FER1L6: variants seen among roughly 807,000 people sequenced by gnomAD.
FER1L6 encodes the protein fer-1 like family member 6, also known as fer-1-like protein 6.
FER1L6 carries 177 observed loss-of-function variants against 219.2 expected under a neutral mutation model. The observed-to-expected ratio is 0.81, with a 90% CI of 0.71 to 0.91. The LOEUF is 0.91. Among genes scored for constraint, FER1L6 ranks in the 40% least tolerant of loss-of-function variants. FER1L6 has a pLI of 0.00. For missense variants in FER1L6, 2,153 were observed against 2,259.9 expected, an observed-to-expected ratio of 0.95 and a Z score of 0.96; for synonymous variants, 768 against 824.3, an observed-to-expected ratio of 0.93 and a Z score of 1.17.
intron 1 of FER1L6, among the ~76,000 whole-genome samples, chr8:123,888,555 G>C (rs754653162): frequency 2.0e-5 from 3 of 152,326 alleles, no homozygotes; most frequent in Non-Finnish European, 4.4e-5. Context: ...CTGGTCAGTA[G>C]GTTCCAGGTG....
intron 6 of FER1L6, among the ~76,000 whole-genome samples, chr8:123,971,714 C>A (rs187581474): frequency 1.1e-4 from 16 of 152,254 alleles, no homozygotes; most frequent in African/African-American, 3.8e-4. Flanking sequence ...AGTCAGTATG[C>A]CCAGAATATA....
At chr8:124,018,842 C>T (rs1818320399) in intron 16 of FER1L6, among the ~76,000 whole-genome samples, 1 of 152,222 alleles carries the variant, frequency 6.6e-6, no homozygotes, top group Non-Finnish European at 1.5e-5. Flanking sequence ...AACAAGAAGG[C>T]TAAGTTTCAA....
intron 1 of FER1L6, among the ~76,000 whole-genome samples, chr8:123,909,097 C>A (rs901688194): frequency 6.6e-6 from 1 of 152,148 alleles, no homozygotes; most frequent in East Asian, 1.9e-4. Flanking sequence ...TGGAGATCTT[C>A]ATAAACATTG....
At chr8:123,907,813 G>T (rs947902406) in intron 1 of FER1L6, among the ~76,000 whole-genome samples, 1 of 151,538 alleles carries the variant, frequency 6.6e-6, no homozygotes, top group African/African-American at 2.4e-5. Flanking sequence ...CAAACAATGG[G>T]CAGAGAAATA....
intron 13 of FER1L6, 46 bp from the exon 14 acceptor site, chr8:124,010,548 A>G (rs1563741466): frequency 6.2e-7 from 1 of 1,607,050 alleles, no homozygotes; most frequent in Non-Finnish European, 8.5e-7. Context: ...GGTTGCCTGG[A>G]AAACACTGAT....
chr8:124,055,375 G>GA (rs903775882), intron 22 of FER1L6, among the ~76,000 whole-genome samples: 44 of 148,370 alleles, frequency 3.0e-4, no homozygotes, highest in East Asian at 5.9e-4. Context: ...ACCCTGTCTT[G>GA]AAAAAAAAAA....
At chr8:124,088,389 C>T (rs902596220) in intron 33 of FER1L6, among the ~76,000 whole-genome samples, 2 of 152,024 alleles carry the variant, frequency 1.3e-5, no homozygotes, top group African/African-American at 4.8e-5. Context: ...TCTCTCCTTT[C>T]AGGGCAGTGG....
intron 12 of FER1L6, among the ~76,000 whole-genome samples, chr8:124,000,593 T>G (rs1817361481): frequency 6.6e-6 from 1 of 152,238 alleles, no homozygotes; most frequent in Non-Finnish European, 1.5e-5. Flanking sequence ...GGTTTCTTCA[T>G]CTGTGAAATG....
At chr8:123,913,039 T>C (rs1813084618) in intron 1 of FER1L6, among the ~76,000 whole-genome samples, 1 of 152,226 alleles carries the variant, frequency 6.6e-6, no homozygotes, top group South Asian at 2.1e-4. Flanking sequence ...TTCTGTGTCT[T>C]GATTACTATC....
At chr8:123,920,924 C>T (rs1813341948) in intron 1 of FER1L6, among the ~76,000 whole-genome samples, 2 of 152,174 alleles carry the variant, frequency 1.3e-5, no homozygotes, top group African/African-American at 4.8e-5. Flanking sequence ...ACTACTCATA[C>T]CTCATATAAG....
At chr8:123,903,280 C>A (rs1281023363) in intron 1 of FER1L6, among the ~76,000 whole-genome samples, 1 of 152,164 alleles carries the variant, frequency 6.6e-6, no homozygotes, top group Non-Finnish European at 1.5e-5. Context: ...AGACATCATT[C>A]TATTTACAAC....
chr8:124,023,559 G>T lies in FER1L6; in HGVS notation c.2249G>T (p.Gly750Val), dbSNP rs769427178. 6.2e-7 allele frequency: 1 copy of T among 1,614,108 alleles called. No individual in the cohort carries two copies. Among genetic ancestry groups the T allele is most frequent in the East Asian group, 2.2e-5 (1 of 44,864 alleles). Reference sequence around the variant, plus strand: ...TATTCCCCTGTCGCGGGGCAGATGGGCAAACACTGCGGCAAGATCAAAACT... The same window carrying T: ...TATTCCCCTGTCGCGGGGCAGATGGTCAAACACTGCGGCAAGATCAAAACT... ...LLYSPVAGQM[G>V]KHCGKIKTHF... The change falls in exon 18 of 41, where the codon GGC becomes GTC. Residue 750 changes from glycine to valine, a missense_variant. Coordinates refer to ENST00000522917, the MANE Select transcript of FER1L6 (RefSeq NM_001039112.2).
chr8:124,092,156 G>A (rs561598815), intron 34 of FER1L6, among the ~76,000 whole-genome samples: 1 of 152,126 alleles, frequency 6.6e-6, no homozygotes, highest in Admixed American at 6.5e-5. Flanking sequence ...TAAACACAGA[G>A]TTTTGTGCCC....
At chr8:124,074,241 A>G (rs1821188580) in intron 31 of FER1L6, among the ~76,000 whole-genome samples, 1 of 152,228 alleles carries the variant, frequency 6.6e-6, no homozygotes, top group Non-Finnish European at 1.5e-5. Context: ...GCTAAATGCA[A>G]GAGTCATAGG....
intron 12 of FER1L6, among the ~76,000 whole-genome samples, chr8:123,994,599 G>C (rs1817039956): frequency 6.6e-6 from 1 of 152,136 alleles, no homozygotes; most frequent in Non-Finnish European, 1.5e-5. Flanking sequence ...GCCTTCCCTG[G>C]TGGAGACAGC....
At chr8:124,034,346 C>G (rs1819108640) in intron 18 of FER1L6, among the ~76,000 whole-genome samples, 1 of 152,028 alleles carries the variant, frequency 6.6e-6, no homozygotes, top group Non-Finnish European at 1.5e-5. Context: ...AAGGGAGTAC[C>G]CTTATCCTGG....
At chr8:123,956,770 G>A (rs117114925) in intron 2 of FER1L6, among the ~76,000 whole-genome samples, 1,678 of 152,274 alleles carry the variant, frequency 0.011, 14 homozygotes, top group Non-Finnish European at 0.018. Flanking sequence ...CCATGAAGCC[G>A]GCTGGCCCCG....
chr8:124,060,386 C>A, intron 23 of FER1L6, 96 bp downstream of exon 23: 2 of 1,433,546 alleles, frequency 1.4e-6, no homozygotes, highest in Non-Finnish European at 1.9e-6. Context: ...GGGCGGGAGA[C>A]CTAGAGAAAA....
At chr8:123,969,214 A>T (rs1030858027) in intron 5 of FER1L6, among the ~76,000 whole-genome samples, 1 of 152,204 alleles carries the variant, frequency 6.6e-6, no homozygotes, top group Non-Finnish European at 1.5e-5. Flanking sequence ...TCTGTAAAAC[A>T]TGGGACTGGT....
Sources: allele counts gnomAD v4.1 joint callset (sites outside exome capture counted in the v4.1 genomes callset), GRCh38; gene constraint gnomAD v4.1.1; transcripts MANE v1.5; gene names NCBI Gene and HGNC (gene_info 2026-07-23, HGNC 2026-07-21).